Variants in PIGQ observed in about 807,000 individuals in gnomAD.
PIGQ encodes the protein phosphatidylinositol glycan anchor biosynthesis class Q, also known as phosphatidylinositol N-acetylglucosaminyltransferase subunit Q.
PIGQ carries 54 observed loss-of-function variants against 60.3 expected under a neutral mutation model. That is an observed-to-expected ratio of 0.90 (90% CI 0.72 to 1.12). The LOEUF (loss-of-function observed/expected upper bound fraction) is 1.12, where lower values mean the gene tolerates loss of function less well. PIGQ is among the 50% of genes most tolerant of loss of function. The probability of loss-of-function intolerance (pLI) is 0.00; values close to 1 mark genes in which losing one functional copy is unlikely to be tolerated. For missense variants in PIGQ, 799 were observed against 793.5 expected, an observed-to-expected ratio of 1.01 and a Z score of -0.08; for synonymous variants, 416 against 363.7, an observed-to-expected ratio of 1.14 and a Z score of -1.64.
At chr16:573,740 T>G (rs1387367619) in intron 1 of PIGQ, among the ~76,000 whole-genome samples, 1 of 151,926 alleles carries the variant, frequency 6.6e-6, no homozygotes, top group Non-Finnish European at 1.5e-5. Flanking sequence ...CCGCGTCAGG[T>G]GGTGCCGAGG....
At chr16:573,822 G>A (rs970172975) in intron 1 of PIGQ, among the ~76,000 whole-genome samples, 1 of 152,112 alleles carries the variant, frequency 6.6e-6, no homozygotes, top group African/African-American at 2.4e-5. Flanking sequence ...TGCCTCGTGC[G>A]GGTGGGGCTG....
rs2035770824 is a variant in PIGQ, at chr16:579,057, T to C, written c.1224-12T>C. 1.9e-6 allele frequency: 3 copies of C among 1,605,220 alleles called. No homozygotes were observed. The highest frequency in any genetic ancestry group is 1.7e-6 in the Non-Finnish European group (2 of 1,173,830). ...GGGGCGGGGCCGGGCCCGACAGCACTGCGTCCTGTAGGCTGTACTGCCTGA... is the reference window on the plus strand; with the variant it reads ...GGGGCGGGGCCGGGCCCGACAGCACCGCGTCCTGTAGGCTGTACTGCCTGA... On this transcript the variant is annotated splice_polypyrimidine_tract_variant and intron_variant, in intron 6 of 10. Transcript: ENST00000321878.
Position 583,378 on chromosome 16 carries a change from C to T in PIGQ, c.*343C>T, listed in dbSNP as rs762303394. ...TGTACCCAGGTCCAGAGGGTCCGTC[C>T]ACCACAGCAGCCCCAGGTGGAGGGC... is the stretch of plus-strand genomic sequence containing the variant. On this transcript the variant is annotated 3_prime_UTR_variant, in exon 11 of 11. Transcript: ENST00000321878. The T allele has an allele frequency of 1.5e-5, 24 of 1,612,436 alleles. No homozygotes were observed. Among genetic ancestry groups the T allele is most frequent in the Non-Finnish European group, 1.4e-5 (17 of 1,179,792 alleles).
In PIGQ at chr16:583,190, G is replaced by T; in HGVS notation, c.*155G>T. 1 of 1,613,320 alleles carries T rather than the reference G, an allele frequency of 6.2e-7. No homozygotes were observed. The highest frequency in any genetic ancestry group is 1.7e-5 in the Admixed American group (1 of 60,030). On this transcript the variant is annotated 3_prime_UTR_variant, in exon 11 of 11. Transcript: ENST00000321878. ...GGCCCTGCTATCACACCTTGGGCTT[G>T]GAGGTCATTGGGAGTGAGCAGATGT...
rs757533305 is a variant in PIGQ at position 583,005 on chromosome 16, C to T, written c.1716C>T (p.Pro572=). The T allele has an allele frequency of 2.5e-6, 4 of 1,613,152 alleles. No individual in the cohort carries two copies. Among genetic ancestry groups the T allele is most frequent in the Non-Finnish European group, 3.4e-6 (4 of 1,179,986 alleles). The change falls in exon 11 of 11, where the codon CCC becomes CCT. Residue 572 remains proline (P), a synonymous_variant. Coordinates refer to ENST00000321878, the MANE Select transcript of PIGQ (RefSeq NM_004204.5). ...TGTTCCTTGGGGAGCTCATCTACCC[C>T]TGGAGGCAGAGAGGGGACAAGCAGG... ...RKLFLGELIY[P]WRQRGDKQD is the part of the protein sequence containing the mutation.
intron 10 of PIGQ, chr16:582,608 C>G: frequency 1.7e-6 from 1 of 576,388 alleles, no homozygotes. Flanking sequence ...ACAGAACCGA[C>G]TGAGTGAGTC....
chr16:579,014 G>T, intron 6 of PIGQ, 55 bp from the exon 7 acceptor site: 1 of 1,523,636 alleles, frequency 6.6e-7, no homozygotes, highest in African/African-American at 1.4e-5. Flanking sequence ...TTCGAGTGGG[G>T]CGGGGGCGGG....
At chr16:572,611 C>G (rs1216845558) in intron 1 of PIGQ, 1 of 454,822 alleles carries the variant, frequency 2.2e-6, no homozygotes, top group Non-Finnish European at 4.4e-6. Context: ...GGTCTGTTCC[C>G]TCATCCCTAA....
At chr16:582,821 T>A in intron 10 of PIGQ, 62 bp from the exon 11 acceptor site, 431 of 1,277,336 alleles carry the variant, frequency 3.4e-4, no homozygotes, top group Non-Finnish European at 4.4e-4. Context: ...GCCCCCACCC[T>A]CTCTCTGCAG....
Position 578,843 on chromosome 16 carries a change from G to A in PIGQ, c.1128G>A (p.Ser376=), listed in dbSNP as rs758238984. Residue 376 remains serine (S), a synonymous_variant, in exon 6 of 11, where the codon TCG becomes TCA. Transcript: ENST00000321878. ...VEHILWHVGL[S]ACLGLTVALS... is the part of the protein sequence containing the mutation. ...ACATCCTTTGGCACGTGGGCCTCTCGGCCTGCCTGGGCCTGACGGTGGCCC... is the reference window on the plus strand; with the variant it reads ...ACATCCTTTGGCACGTGGGCCTCTCAGCCTGCCTGGGCCTGACGGTGGCCC... 24 of 1,613,644 alleles carry A rather than the reference G, an allele frequency of 1.5e-5. No homozygotes were observed. Among genetic ancestry groups the A allele is most frequent in the Non-Finnish European group, 1.9e-5 (22 of 1,179,960 alleles).
chr16:578,700 A>G (rs1448835654), intron 5 of PIGQ, 85 bp from the exon 6 acceptor site: 2 of 1,515,664 alleles, frequency 1.3e-6, no homozygotes, highest in African/African-American at 2.8e-5. Context: ...GGCTACACGC[A>G]CCTCATGTCC....
At chr16:571,594 G>GTGTGTC (rs2035630280) in intron 1 of PIGQ, among the ~76,000 whole-genome samples, 1 of 117,592 alleles carries the variant, frequency 8.5e-6, no homozygotes, top group Non-Finnish European at 1.8e-5. Flanking sequence ...GTGTGTGTGT[G>GTGTGTC]TGGCTAGCCT....
chr16:582,873 G>T lies in PIGQ; in HGVS notation c.1594-10G>T. The T allele has an allele frequency of 6.3e-7, 1 of 1,590,614 alleles. No individual in the cohort carries two copies. On this transcript the variant is annotated splice_polypyrimidine_tract_variant and intron_variant, in intron 10 of 10. Transcript: ENST00000321878. ...GACCACCCCACTGACCGCTGCCCTT[G>T]TCCTTCCAGATAAACCCACTGCCCT...
rs1021382295 is a variant in PIGQ at position 582,726 on chromosome 16, A to G, written c.1594-157A>G. 9.8e-6 allele frequency: 8 copies of G among 817,962 alleles called. No individual in the cohort carries two copies. The African/African-American group carries it at 1.2e-4, about 12-fold the overall frequency. The allele number at this position is 817,962 out of a possible 1,614,324, so 50.7% of individuals were successfully genotyped here. ...AGCGCTCCCTTCTGGCTGCAGGCTC[A>G]CTTGCCTCCTTGGGAACTGGGACTG... On this transcript the variant is annotated intron_variant, in intron 10 of 10. Coordinates refer to ENST00000321878, the MANE Select transcript of PIGQ (RefSeq NM_004204.5).
At position 575,887 on chromosome 16, in the gene PIGQ, G is replaced by A. The variant is rs777027284; in HGVS notation, c.738G>A (p.Thr246=). 2.1e-5 allele frequency: 33 copies of A among 1,575,242 alleles called. No homozygotes were observed. In the Middle Eastern group the frequency reaches 8.3e-4, roughly 40 times the overall value. The change falls in exon 3 of 11, where the codon ACG becomes ACA. Residue 246 remains threonine, a synonymous_variant. Transcript: ENST00000321878. ...CCTTCCTCGGGAGCAAACTCTCCAC[G>A]TGCGAACAGCTCCGGCACCGGCTGG... The part of the protein sequence containing the change: ...PLSFLGSKLS[T]CEQLRHRLEH...
Position 579,949 on chromosome 16 carries a change from C to T in PIGQ, c.1336-234C>T, listed in dbSNP as rs568227622. The T allele has an allele frequency of 5.1e-5, 21 of 408,474 alleles. No individual in the cohort carries two copies. In the South Asian group the frequency reaches 1.3e-3, roughly 25 times the overall value. 25.3% of individuals were successfully genotyped at this position (408,474 alleles called of 1,614,324 possible). A position where few individuals can be genotyped will look rare whatever the true frequency, so the allele number is the denominator to read the frequency against. ...CATGTTCTTGGTGACTGTGTGGCCA[C>T]GCACCGTCTTGGGTGGTCTGGCCCC... On this transcript the variant is annotated intron_variant, in intron 7 of 10. Transcript: ENST00000321878.
chr16:571,488 C>G (rs868599298), intron 1 of PIGQ, among the ~76,000 whole-genome samples: 4,282 of 61,802 alleles, frequency 0.069, 161 homozygotes, highest in Non-Finnish European at 0.092. Context: ...TCTGGTTAGC[C>G]TGTGTGTGTG....
At chr16:571,488 C>CTG (rs71299924) in intron 1 of PIGQ, among the ~76,000 whole-genome samples, 1,077 of 61,788 alleles carry the variant, frequency 0.017, 29 homozygotes, top group South Asian at 0.052. Context: ...TCTGGTTAGC[C>CTG]TGTGTGTGTG....
intron 4 of PIGQ, 120 bp downstream of exon 4, chr16:576,374 C>CT: frequency 5.1e-6 from 6 of 1,183,848 alleles, no homozygotes; most frequent in Non-Finnish European, 7.0e-6. Context: ...TCTCCATGCT[C>CT]TGGAGACACG....
Sources: allele counts gnomAD v4.1 joint callset (sites outside exome capture counted in the v4.1 genomes callset), GRCh38; gene constraint gnomAD v4.1.1; transcripts MANE v1.5; gene names NCBI Gene and HGNC (gene_info 2026-07-23, HGNC 2026-07-21).